Variants in TENM2 observed in about 807,000 individuals in gnomAD.
TENM2 encodes teneurin-2.
TENM2 carries 52 observed loss-of-function variants against 245.2 expected under a neutral mutation model. The observed-to-expected ratio is 0.21, with a 90% CI of 0.17 to 0.27. The LOEUF is 0.27. Ranked by LOEUF, TENM2 falls within the 10% of genes least tolerant of loss-of-function variation. The pLI is 1.00. For missense variants in TENM2, 3,046 were observed against 3,666.8 expected (o/e 0.83, Z 4.37); for synonymous variants, 1,363 against 1,438.9 (o/e 0.95, Z 1.19).
chr5:167,893,085 C>T (rs1177029714), intron 3 of TENM2, among the ~76,000 whole-genome samples: 3 of 152,128 alleles, frequency 2.0e-5, no homozygotes, highest in Non-Finnish European at 4.4e-5. Flanking sequence ...TAGGTTTCTT[C>T]TTGTCCTGAG....
At chr5:167,398,491 G>T (rs927802566) in intron 2 of TENM2, among the ~76,000 whole-genome samples, 4 of 149,432 alleles carry the variant, frequency 2.7e-5, no homozygotes, top group Admixed American at 2.0e-4. Context: ...AATGGAGTTG[G>T]CACCATCTTG....
intron 5 of TENM2, among the ~76,000 whole-genome samples, chr5:168,004,517 G>GCGCACACACACA (rs898616203): frequency 8.0e-4 from 106 of 132,222 alleles, no homozygotes; most frequent in Non-Finnish European, 8.8e-4. Context: ...GCGCGCGCGC[G>GCGCACACACACA]CACACACACA....
intron 1 of TENM2, among the ~76,000 whole-genome samples, chr5:167,335,868 C>T (rs543414724): frequency 6.6e-6 from 1 of 152,278 alleles, no homozygotes; most frequent in East Asian, 1.9e-4. Flanking sequence ...TGCTGGTTCT[C>T]AAGGGGAGTG....
the TENM2 span, among the ~76,000 whole-genome samples, chr5:167,079,196 A>T: frequency 6.6e-6 from 1 of 151,864 alleles, no homozygotes; most frequent in Non-Finnish European, 1.5e-5. Flanking sequence ...ATCCACAAAT[A>T]CAATGCCTCT....
intron 2 of TENM2, among the ~76,000 whole-genome samples, chr5:167,619,204 C>T (rs1017198383): frequency 6.6e-6 from 1 of 152,048 alleles, no homozygotes; most frequent in African/African-American, 2.4e-5. Flanking sequence ...TTTGTTTTCT[C>T]ATCACTGTAT....
At chr5:167,906,419 C>A (rs1381013056) in intron 3 of TENM2, among the ~76,000 whole-genome samples, 3 of 152,138 alleles carry the variant, frequency 2.0e-5, no homozygotes, top group African/African-American at 7.2e-5. Flanking sequence ...ACAATTAGCC[C>A]GTGCACCTGT....
At chr5:167,249,870 C>T in the TENM2 span, among the ~76,000 whole-genome samples, 3 of 152,212 alleles carry the variant, frequency 2.0e-5, no homozygotes, top group African/African-American at 4.8e-5. Flanking sequence ...CTCCTTATCC[C>T]CTGCCCCTAG....
At chr5:168,165,803 A>G (rs1456210318) in intron 13 of TENM2, 1 of 151,776 alleles carries the variant, frequency 6.6e-6, no homozygotes, top group Non-Finnish European at 1.5e-5. Flanking sequence ...CACAAAGAAA[A>G]AAAAAAAAAA....
At chr5:167,981,137 C>T (rs139821011) in intron 4 of TENM2, among the ~76,000 whole-genome samples, 2,026 of 152,310 alleles carry the variant, frequency 0.013, 49 homozygotes, top group African/African-American at 0.044. Flanking sequence ...TCAGCAGAGC[C>T]ATCCCTGCTC....
intron 25 of TENM2, among the ~76,000 whole-genome samples, chr5:168,231,515 T>C (rs1357409046): frequency 2.6e-5 from 4 of 152,152 alleles, no homozygotes; most frequent in Non-Finnish European, 4.4e-5. Context: ...GAAAAGAACA[T>C]GGTGCCAGGC....
downstream of TENM2, chr5:168,263,090 G>A (rs1768355333): frequency 5.3e-6 from 2 of 375,312 alleles, no homozygotes; most frequent in East Asian, 4.1e-5. Flanking sequence ...CCTAAAATAT[G>A]ACCCACTTGT....
At chr5:168,207,385 C>A (rs539255784) in intron 19 of TENM2, among the ~76,000 whole-genome samples, 1 of 152,160 alleles carries the variant, frequency 6.6e-6, no homozygotes, top group Non-Finnish European at 1.5e-5. Context: ...CCAATCAGAA[C>A]AAGTCACGCC....
intron 25 of TENM2, among the ~76,000 whole-genome samples, chr5:168,238,179 GA>G (rs1765689703): frequency 1.4e-5 from 1 of 69,022 alleles, no homozygotes. Context: ...GAGAGAGAGA[GA>G]GAGAGGGAGG....
intron 2 of TENM2, among the ~76,000 whole-genome samples, chr5:167,431,961 G>GTATATATATGTA (rs1764270064): frequency 1.1e-4 from 5 of 43,600 alleles, no homozygotes; most frequent in African/African-American, 2.5e-4. Flanking sequence ...ATATATATAT[G>GTATATATATGTA]TATATATATA....
intron 2 of TENM2, among the ~76,000 whole-genome samples, chr5:167,684,484 A>G (rs921163375): frequency 6.6e-6 from 1 of 152,226 alleles, no homozygotes; most frequent in Non-Finnish European, 1.5e-5. Flanking sequence ...TGAGTCATGC[A>G]ACAAATAAAG....
At chr5:167,406,474 A>G (rs565487104) in intron 2 of TENM2, among the ~76,000 whole-genome samples, 1 of 152,334 alleles carries the variant, frequency 6.6e-6, no homozygotes, top group Non-Finnish European at 1.5e-5. Context: ...TCCTTGAAAT[A>G]TAAATGTGAA....
At chr5:167,082,892 A>G in the TENM2 span, among the ~76,000 whole-genome samples, 5 of 152,148 alleles carry the variant, frequency 3.3e-5, 1 homozygote, top group Non-Finnish European at 7.4e-5. Flanking sequence ...AAATAATTTT[A>G]AAAAATGTAT....
chr5:167,199,972 G>T, the TENM2 span, among the ~76,000 whole-genome samples: 3 of 152,112 alleles, frequency 2.0e-5, no homozygotes, highest in East Asian at 1.9e-4. Flanking sequence ...TAGAAAGGGG[G>T]TACAAACTCC....
At chr5:168,255,469 T>C (rs1767566134) in intron 27 of TENM2, among the ~76,000 whole-genome samples, 1 of 152,030 alleles carries the variant, frequency 6.6e-6, no homozygotes, top group African/African-American at 2.4e-5. Context: ...GCTGAGCTAA[T>C]TTTTTTGTAT....
Sources: allele counts gnomAD v4.1 joint callset (sites outside exome capture counted in the v4.1 genomes callset), GRCh38; gene constraint gnomAD v4.1.1; transcripts MANE v1.5; gene names NCBI Gene and HGNC (gene_info 2026-07-23, HGNC 2026-07-21).